PIGN: variants seen among roughly 807,000 people sequenced by gnomAD.
The protein encoded by PIGN is GPI ethanolamine phosphate transferase 1.
PIGN carries 117 observed loss-of-function variants against 125.4 expected under a neutral mutation model. The observed-to-expected ratio is 0.93, with a 90% CI of 0.80 to 1.09. PIGN has a LOEUF of 1.09. Among genes scored for constraint, PIGN ranks in the 50% least tolerant of loss-of-function variants. The pLI, the probability that PIGN is intolerant of heterozygous loss-of-function variation, is 0.00. For synonymous variants in PIGN, 392 were observed against 377.8 expected, an observed-to-expected ratio of 1.04 and a Z score of -0.44; for missense variants, 1,075 against 1,094.9, an observed-to-expected ratio of 0.98 and a Z score of 0.26.
At position 62,121,332 on chromosome 18, in the gene PIGN, C is replaced by T. The variant is rs1178254690; in HGVS notation, c.1173-6693G>A. 2.0e-5 allele frequency among the ~76,000 whole-genome samples: 3 copies of T among 152,216 alleles called. No individual in the cohort carries two copies. The East Asian group carries it at 5.8e-4, about 29-fold the overall frequency. On this transcript the variant is annotated intron_variant, in intron 14 of 30. Coordinates refer to ENST00000640252, the MANE Select transcript of PIGN (RefSeq NM_176787.5). ...CAGACCTCAGAATTCACCCATCAAA[C>T]CACAGAGGTAAAAAAATTCCCATTC...
chr18:62,159,159 G>A lies in PIGN; in HGVS notation c.222-1351C>T, dbSNP rs184054909. ...CTCAGGAGGCTGAGGCAGGAGAATCGCTTGAACCTGGGAGGCAGATGTTGC... is the reference window on the plus strand; with the variant it reads ...CTCAGGAGGCTGAGGCAGGAGAATCACTTGAACCTGGGAGGCAGATGTTGC... On this transcript the variant is annotated intron_variant, in intron 4 of 30. Coordinates refer to ENST00000640252, the MANE Select transcript of PIGN (RefSeq NM_176787.5). Among the ~76,000 whole-genome samples, 48 of 152,224 alleles carry A rather than the reference G, an allele frequency of 3.2e-4. No homozygotes were observed. The East Asian group carries it at 8.5e-3, about 27-fold the overall frequency.
chr18:62,096,415 A>C (rs1466911608), intron 22 of PIGN, among the ~76,000 whole-genome samples: 1 of 151,630 alleles, frequency 6.6e-6, no homozygotes, highest in Non-Finnish European at 1.5e-5. Flanking sequence ...TCACATTTTT[A>C]ATTAACATTA....
At chr18:62,186,032 G>A (rs2037957724) in intron 1 of PIGN, among the ~76,000 whole-genome samples, 1 of 148,292 alleles carries the variant, frequency 6.7e-6, no homozygotes, top group South Asian at 2.1e-4. Flanking sequence ...CTCCTTATTA[G>A]CGGAATTGAT....
chr18:62,140,327 C>G (rs555592284), intron 12 of PIGN, 93 bp downstream of exon 12: 4 of 575,424 alleles, frequency 7.0e-6, no homozygotes, highest in African/African-American at 1.9e-5. Context: ...AAAAAAAACC[C>G]AGATTATTCA....
At chr18:62,147,188 T>A in intron 8 of PIGN, 87 bp from the exon 9 acceptor site, 2 of 1,408,130 alleles carry the variant, frequency 1.4e-6, no homozygotes, top group Non-Finnish European at 1.9e-6. Flanking sequence ...TCAAAATCAG[T>A]AACTTCTGAA....
intron 28 of PIGN, among the ~76,000 whole-genome samples, chr18:62,080,564 G>T (rs1276454157): frequency 6.6e-6 from 1 of 152,200 alleles, no homozygotes; most frequent in Non-Finnish European, 1.5e-5. Flanking sequence ...CAGAAAAGGA[G>T]AATCGGCTGA....
At chr18:62,082,962 T>C (rs755768878) in intron 27 of PIGN, among the ~76,000 whole-genome samples, 2 of 152,102 alleles carry the variant, frequency 1.3e-5, no homozygotes, top group Non-Finnish European at 2.9e-5. Context: ...AGCTATACGA[T>C]GTAAAAGACA....
At chr18:62,077,398 A>G (rs1197229626) in intron 28 of PIGN, among the ~76,000 whole-genome samples, 1 of 152,124 alleles carries the variant, frequency 6.6e-6, no homozygotes, top group African/African-American at 2.4e-5. Flanking sequence ...ACAAACAAAC[A>G]AAACCTTTAA....
chr18:62,090,582 A>G lies in PIGN; in HGVS notation c.2181-4T>C, dbSNP rs2033910269. On this transcript the variant is annotated splice_region_variant and splice_polypyrimidine_tract_variant and intron_variant, in intron 23 of 30. Coordinates refer to ENST00000640252, the MANE Select transcript of PIGN (RefSeq NM_176787.5). The stretch of plus-strand genomic sequence containing the variant: ...TAGTGGAAAGAGAGCTTCATACCTA[A>G]CAGGTGGGGAAAGGTAGAAATGAAA... 16 of 1,534,800 alleles carry G rather than the reference A, an allele frequency of 1.0e-5. No homozygotes were observed. Among genetic ancestry groups the G allele is most frequent in the Non-Finnish European group, 1.4e-5 (16 of 1,111,678 alleles).
chr18:62,106,670 C>T (rs2034651599), intron 19 of PIGN, 119 bp downstream of exon 19: 2 of 661,874 alleles, frequency 3.0e-6, no homozygotes. Flanking sequence ...TATGACTAGG[C>T]TCTTTTATGT....
rs2288679 is a variant in PIGN at position 62,082,901 on chromosome 18, C to A, written c.2503-155G>T. Among the ~76,000 whole-genome samples, 1,472 of 152,084 alleles carry A rather than the reference C, an allele frequency of 9.7e-3. 46 individuals carry two copies. Among genetic ancestry groups the A allele is most frequent in the East Asian group, 0.069 (358 of 5,180 alleles). ...CAAACACTGAAATAAAAGCATGATA[C>A]CAATGGCACATAGAACGGTGATGAA... On this transcript the variant is annotated intron_variant, in intron 27 of 30. Transcript: ENST00000640252.
intron 14 of PIGN, chr18:62,135,619 C>CTTTTTTTTTTTTTTTTTTTTTGTTT (rs2035899380): frequency 1.5e-5 from 1 of 68,682 alleles, no homozygotes; most frequent in Non-Finnish European, 2.6e-5. Context: ...TTTTCTTTGT[C>CTTTTTTTTTTTTTTTTTTTTTGTTT]TTTTTTTTTT....
Position 62,156,346 on chromosome 18 carries a change from T to G in PIGN, c.442+783A>C, listed in dbSNP as rs969935585. The stretch of plus-strand genomic sequence containing the variant: ...TATTTTAACACTTAAATATTTTTTT[T>G]GAGATAGGGTGTTGCTCTGTTGCCC... On this transcript the variant is annotated intron_variant, in intron 6 of 30. Transcript: ENST00000640252. Among the ~76,000 whole-genome samples the G allele has an allele frequency of 2.0e-5, 3 of 152,186 alleles. No individual in the cohort carries two copies. In the East Asian group the frequency reaches 5.8e-4, roughly 29 times the overall value.
chr18:62,039,650 T>TC (rs2030315505), downstream of PIGN, among the ~76,000 whole-genome samples: 7 of 95,004 alleles, frequency 7.4e-5, no homozygotes, highest in African/African-American at 1.5e-4. Context: ...TAGGGCCCAT[T>TC]CAGGGTGCCG....
At chr18:62,116,838 CT>C (rs1347026025) in intron 14 of PIGN, among the ~76,000 whole-genome samples, 1 of 151,486 alleles carries the variant, frequency 6.6e-6, no homozygotes, top group African/African-American at 2.4e-5. Context: ...TGTAATGTAC[CT>C]AAAATTTAAA....
chr18:62,033,516 G>T (rs962116698), intron 23 of PIGN, among the ~76,000 whole-genome samples: 1 of 152,140 alleles, frequency 6.6e-6, no homozygotes, highest in Non-Finnish European at 1.5e-5. Flanking sequence ...ACATGCTGAT[G>T]GTTCATTAAG....
intron 10 of PIGN, among the ~76,000 whole-genome samples, chr18:62,145,403 G>A (rs1599625828): frequency 6.6e-6 from 1 of 152,056 alleles, no homozygotes; most frequent in Admixed American, 6.6e-5. Flanking sequence ...GCTGTTGAGT[G>A]CATTATTCAC....
chr18:62,036,265 CT>C (rs199703291), downstream of PIGN, among the ~76,000 whole-genome samples: 9 of 147,898 alleles, frequency 6.1e-5, no homozygotes, highest in East Asian at 2.0e-4. Flanking sequence ...TCCCAGTATA[CT>C]TTTTTTTTTA....
intron 1 of PIGN, among the ~76,000 whole-genome samples, chr18:62,176,625 T>G (rs1185086154): frequency 6.6e-6 from 1 of 150,890 alleles, no homozygotes; most frequent in Non-Finnish European, 1.5e-5. Context: ...TTGTTAAAAA[T>G]GTATAATCTC....
Sources: gnomAD v4.1 joint callset for allele counts (sites outside exome capture counted in the v4.1 genomes callset) on GRCh38, gnomAD v4.1.1 for gene constraint, MANE v1.5 for transcripts, NCBI Gene and HGNC (gene_info 2026-07-23, HGNC 2026-07-21) for gene names.